Variants in MYCBP2 observed in about 807,000 individuals in gnomAD.
MYCBP2 encodes the protein MYC binding protein 2, also known as E3 ubiquitin-protein ligase MYCBP2.
Under a neutral mutation model 525.3 loss-of-function variants are expected in MYCBP2, and 120 were observed. That is an observed-to-expected ratio of 0.23 (90% CI 0.20 to 0.27). The LOEUF is 0.27. Ranked by LOEUF, MYCBP2 falls within the 10% of genes least tolerant of loss-of-function variation. The pLI, the probability that MYCBP2 is intolerant of heterozygous loss-of-function variation, is 1.00. For missense variants in MYCBP2, 4,149 were observed against 5,657.1 expected (o/e 0.73, Z 8.55); for synonymous variants, 1,894 against 1,955.8 (o/e 0.97, Z 0.83).
intron 69 of MYCBP2, 110 bp from the exon 70 acceptor site, chr13:77,068,941 A>G: frequency 9.8e-7 from 1 of 1,019,128 alleles, no homozygotes; most frequent in East Asian, 2.4e-5. Context: ...TTGATACTCA[A>G]TTTAATACTA....
At chr13:77,099,109 A>T in intron 55 of MYCBP2, 96 bp from the exon 56 acceptor site, 1 of 1,450,666 alleles carries the variant, frequency 6.9e-7, no homozygotes, top group Non-Finnish European at 9.3e-7. Context: ...ATAGCTACAA[A>T]ATTTATATTG....
At chr13:77,266,579 A>C (rs1244986380) in intron 8 of MYCBP2, among the ~76,000 whole-genome samples, 2 of 151,900 alleles carry the variant, frequency 1.3e-5, no homozygotes, top group Admixed American at 1.3e-4. Context: ...TAATTATTTC[A>C]ATTCATTCTT....
rs755598073 is a variant in MYCBP2 at position 77,220,585 on chromosome 13, T to G, written c.2940-2628A>C. On this transcript the variant is annotated intron_variant, in intron 20 of 82. Transcript: ENST00000544440. ...ATGTGTGCTATATAGTAAATTCCAG[T>G]TAACAGCTCTTGATTACTAGAGACT... 4.7e-4 allele frequency among the ~76,000 whole-genome samples: 72 copies of G among 152,182 alleles called. 2 individuals carry two copies. The highest frequency in any genetic ancestry group is 1.5e-4 in the Non-Finnish European group (10 of 68,012).
chr13:77,098,278 C>G lies in MYCBP2; in HGVS notation c.8876G>C (p.Ser2959Thr). ...STCDDSSEFK[S>T]VDEGSNKVHF... ...AACTTTATTTGAACCTTCATCCACA[C>G]TCTTAAATTCACTGCTGTCATCGCA... is the stretch of plus-strand genomic sequence containing the variant. Residue 2959 changes from serine to threonine, a missense_variant, in exon 56 of 83, where the codon AGT becomes ACT. Ser to Thr is a moderately conservative substitution (Grantham distance 58). Around this residue, in one of 21 missense-constraint regions of MYCBP2, gnomAD observed 653 missense variants for 744.7 expected, o/e 0.88. Transcript: ENST00000544440. 6.2e-7 allele frequency: 1 copy of G among 1,612,242 alleles called. No individual in the cohort carries two copies. The highest frequency in any genetic ancestry group is 8.5e-7 in the Non-Finnish European group (1 of 1,179,810).
rs772482461 is a variant in MYCBP2 at position 77,098,935 on chromosome 13, C to T, written c.8219G>A (p.Arg2740Lys). ...GKSELSSKHS[R>K]SLKPDGRMSR... ...CATACGTCCATCAGGTTTAAGCGAT[C>T]TGCTGTGTTTAGAGGACAGCTCTGA... Residue 2740 changes from arginine (R) to lysine (K), a missense_variant, in exon 56 of 83, where the codon AGA (arginine) becomes AAA (lysine). Physicochemically the swap from Arg to Lys is conservative, Grantham distance 26. Transcript: ENST00000544440. The T allele has an allele frequency of 6.2e-7, 1 of 1,613,482 alleles. No individual in the cohort carries two copies. The highest frequency in any genetic ancestry group is 8.5e-7 in the Non-Finnish European group (1 of 1,179,746).
intron 4 of MYCBP2, among the ~76,000 whole-genome samples, chr13:77,278,412 T>C (rs749705050): frequency 6.6e-6 from 1 of 152,178 alleles, no homozygotes; most frequent in African/African-American, 2.4e-5. Context: ...ATAACTTCAG[T>C]GGAACACAGA....
chr13:77,075,133 G>A (rs187832628), intron 68 of MYCBP2, among the ~76,000 whole-genome samples: 10 of 152,234 alleles, frequency 6.6e-5, no homozygotes, highest in South Asian at 2.1e-4. Flanking sequence ...CATTGAGCCC[G>A]GGAGGTTGAG....
At position 77,129,486 on chromosome 13, in the gene MYCBP2, G is replaced by A. The variant is rs576954759; in HGVS notation, c.7660-2944C>T. On this transcript the variant is annotated intron_variant, in intron 52 of 82. Coordinates refer to ENST00000544440, the MANE Select transcript of MYCBP2 (RefSeq NM_015057.5). ...CATTTACTAAAATTAAGAGCCAGAC[G>A]TTGTTATAAAGCTTAAGATACTCAA... 1.9e-4 allele frequency: 54 copies of A among 281,102 alleles called. 1 individual carries two copies. Among genetic ancestry groups the A allele is most frequent in the South Asian group, 3.3e-4 (2 of 6,006 alleles). The allele number at this position is 281,102 out of a possible 1,614,324, so 17.4% of individuals were successfully genotyped here. A position where few individuals can be genotyped will look rare whatever the true frequency, so the allele number is the denominator to read the frequency against.
Position 77,061,601 on chromosome 13 carries a change from T to A in MYCBP2, c.12903+61A>T, listed in dbSNP as rs2039311905. 1.2e-5 allele frequency: 19 copies of A among 1,570,252 alleles called. No homozygotes were observed. The South Asian group carries it at 2.1e-4, about 18-fold the overall frequency. ...TTCCCCCTACTACACAAAGCCTCTT[T>A]CACACATTTATTTCAAAATTCACTG... On this transcript the variant is annotated intron_variant, in intron 75 of 82. Transcript: ENST00000544440.
At chr13:77,283,356 T>A (rs1292545877) in intron 3 of MYCBP2, among the ~76,000 whole-genome samples, 1 of 152,150 alleles carries the variant, frequency 6.6e-6, no homozygotes, top group Non-Finnish European at 1.5e-5. Context: ...TCCCTATCAA[T>A]CCTTAAGGCA....
intron 27 of MYCBP2, among the ~76,000 whole-genome samples, chr13:77,192,404 T>C (rs563506411): frequency 7.2e-5 from 11 of 152,186 alleles, no homozygotes; most frequent in Non-Finnish European, 1.2e-4. Flanking sequence ...ATAATATCTA[T>C]ACAAACATTA....
rs1359099147 is a variant in MYCBP2, at chr13:77,121,490, C to T, written c.8023G>A (p.Ala2675Thr). Residue 2675 changes from alanine to threonine, a missense_variant, in exon 55 of 83, where the codon GCT (alanine) becomes ACT (threonine). Physicochemically the swap from Ala to Thr is moderately conservative, Grantham distance 58. Coordinates refer to ENST00000544440, the MANE Select transcript of MYCBP2 (RefSeq NM_015057.5). ...NQYLRHEDEQ[A>T]LLDQNSQTPP... ...GTTTGAGAATTCTGATCCAGAAGAG[C>T]TTGTTCTACAATAAAAGCCATAGCT... is the stretch of plus-strand genomic sequence containing the variant. 7.0e-6 allele frequency: 11 copies of T among 1,572,004 alleles called. No individual in the cohort carries two copies. The highest frequency in any genetic ancestry group is 7.8e-6 in the Non-Finnish European group (9 of 1,153,492).
At chr13:77,302,491 G>C (rs4885448) in intron 1 of MYCBP2, among the ~76,000 whole-genome samples, 87,331 of 151,790 alleles carry the variant, frequency 0.58, 28,502 homozygotes, top group Non-Finnish European at 0.73. Context: ...CAAAAATAAA[G>C]ATGTTTTTAG....
chr13:77,105,142 G>A (rs1393152111), intron 55 of MYCBP2, among the ~76,000 whole-genome samples: 2 of 152,060 alleles, frequency 1.3e-5, no homozygotes, highest in East Asian at 3.9e-4. Flanking sequence ...ACAATCTCCT[G>A]GCCTGGCTGC....
At chr13:77,075,581 C>T (rs1446098413) in intron 68 of MYCBP2, 2 of 152,226 alleles carry the variant, frequency 1.3e-5, no homozygotes, top group Non-Finnish European at 2.9e-5. Flanking sequence ...ACAATGATCT[C>T]AAGGTACTCT....
intron 62 of MYCBP2, among the ~76,000 whole-genome samples, chr13:77,085,738 A>C (rs1355329457): frequency 2.6e-5 from 4 of 152,142 alleles, no homozygotes; most frequent in Non-Finnish European, 4.4e-5. Context: ...CTAGGCCAGC[A>C]TTCTGGAGGA....
intron 55 of MYCBP2, among the ~76,000 whole-genome samples, chr13:77,101,681 T>C (rs2047088755): frequency 6.6e-6 from 1 of 152,044 alleles, no homozygotes; most frequent in African/African-American, 2.4e-5. Context: ...GGCAGAAATA[T>C]TTCTTTTTCA....
intron 17 of MYCBP2, among the ~76,000 whole-genome samples, chr13:77,238,946 C>T (rs941063309): frequency 6.6e-6 from 1 of 152,146 alleles, no homozygotes; most frequent in South Asian, 2.1e-4. Context: ...CATGGTGAAA[C>T]CCCATCTCTA....
intron 71 of MYCBP2, among the ~76,000 whole-genome samples, chr13:77,066,319 T>C (rs982676736): frequency 6.6e-6 from 1 of 152,240 alleles, no homozygotes; most frequent in Non-Finnish European, 1.5e-5. Flanking sequence ...TATTTCTGTG[T>C]GCATCTTTTA....
Sources: gnomAD v4.1 joint callset for allele counts (sites outside exome capture counted in the v4.1 genomes callset) on GRCh38, gnomAD v4.1.1 for gene constraint, gnomAD v4.1.1 regional missense constraint, MANE v1.5 for transcripts, NCBI Gene and HGNC (gene_info 2026-07-23, HGNC 2026-07-21) for gene names.